The following ABCC5 variants were observed in gnomAD, a reference collection of about 807,000 sequenced individuals.
The protein encoded by ABCC5 is ATP binding cassette subfamily C member 5.
In ABCC5, 61 loss-of-function variants were observed where a neutral mutation model predicts 160.9. The ratio of observed to expected loss-of-function variants is 0.38; its 90% CI spans 0.31 to 0.47. The LOEUF (loss-of-function observed/expected upper bound fraction) is 0.47. ABCC5 is among the 20% of genes least tolerant of loss of function. The probability of loss-of-function intolerance (pLI) is 0.99; values close to 1 mark genes in which losing one functional copy is unlikely to be tolerated. For synonymous variants in ABCC5, 666 were observed against 700.6 expected, an observed-to-expected ratio of 0.95 and a Z score of 0.78; for missense variants, 1,308 against 1,813.3, an observed-to-expected ratio of 0.72 and a Z score of 5.06.
rs948159000 is a variant in ABCC5 at position 183,956,119 on chromosome 3, C to T, written c.2483-2849G>A. Among the ~76,000 whole-genome samples the T allele has an allele frequency of 1.5e-5, 2 of 133,668 alleles. 1 individual carries two copies. Among genetic ancestry groups the T allele is most frequent in the Non-Finnish European group, 3.3e-5 (2 of 61,058 alleles). The allele number at this position is 133,668 out of a possible 152,430, so 87.7% of individuals were successfully genotyped here. A position where few individuals can be genotyped will look rare whatever the true frequency, so the allele number is the denominator to read the frequency against. On this transcript the variant is annotated intron_variant, in intron 17 of 29. Coordinates refer to ENST00000334444, the MANE Select transcript of ABCC5 (RefSeq NM_005688.4). ...ATATCACATCTGTTACATGCAGCTC[C>T]GTGTGTATATCACATCGGTTACATG...
chr3:183,951,542 T>C lies in ABCC5; in HGVS notation c.2843A>G (p.His948Arg), dbSNP rs947584224. Residue 948 changes from histidine to arginine, a missense_variant, in exon 20 of 30, where the codon CAT becomes CGT. His to Arg is a conservative substitution (Grantham distance 29, BLOSUM62 0). Around this residue, in one of 3 missense-constraint regions of ABCC5, gnomAD observed 1,142 missense variants for 1,527.1 expected, o/e 0.75. Coordinates refer to ENST00000334444, the MANE Select transcript of ABCC5 (RefSeq NM_005688.4). This position sits in a 1 kb window ranked among gnomAD's most constrained non-coding sequence, Gnocchi z 4.7. ...AAGGATCCTTCGGAAAAGCTCGTCATGCAGCCGGGAGGAAGCTCGCAGCGT... is the reference window on the plus strand; with the variant it reads ...AAGGATCCTTCGGAAAAGCTCGTCACGCAGCCGGGAGGAAGCTCGCAGCGT... ...KGTLRASSRL[H>R]DELFRRILRS... The C allele has an allele frequency of 1.9e-6, 3 of 1,614,086 alleles. No individual in the cohort carries two copies. Among genetic ancestry groups the C allele is most frequent in the Non-Finnish European group, 2.5e-6 (3 of 1,180,052 alleles).
In ABCC5 at chr3:183,982,841, G is replaced by GC; in HGVS notation, c.757dup (p.Ala253GlyfsTer8). ...CTTCTTAAATGCCATGGTTAGGATGGCCCCCCGCAAGCGGACACCGGTTCG... is the reference window on the plus strand; with the variant it reads ...CTTCTTAAATGCCATGGTTAGGATGGCCCCCCCGCAAGCGGACACCGGTTCG... On this transcript the variant is annotated frameshift_variant, in exon 6 of 30. Coordinates refer to ENST00000334444, the MANE Select transcript of ABCC5 (RefSeq NM_005688.4). LOFTEE classifies it high-confidence loss of function. The surrounding 1 kb of genome is among the most constrained non-coding windows in gnomAD (Gnocchi z 5.2). The GC allele has an allele frequency of 6.2e-7, 1 of 1,614,120 alleles. No homozygotes were observed. Among genetic ancestry groups the GC allele is most frequent in the Non-Finnish European group, 8.5e-7 (1 of 1,180,020 alleles).
intron 16 of ABCC5, 78 bp downstream of exon 16, chr3:183,961,433 G>T: frequency 6.5e-7 from 1 of 1,536,842 alleles, no homozygotes; most frequent in Non-Finnish European, 8.8e-7. Context: ...TTCAGCTGAG[G>T]TCTCTCCATC....
chr3:183,942,619 C>T (rs1714479405), intron 25 of ABCC5, 108 bp downstream of exon 25: 2 of 1,388,806 alleles, frequency 1.4e-6, no homozygotes, highest in Non-Finnish European at 2.0e-6. Context: ...GGGGCTGAGA[C>T]ACTAATTGCT....
chr3:183,998,744 C>T lies in ABCC5; in HGVS notation c.130-9361G>A, dbSNP rs75549985. On this transcript the variant is annotated intron_variant, in intron 2 of 29. Coordinates refer to ENST00000334444, the MANE Select transcript of ABCC5 (RefSeq NM_005688.4). The stretch of plus-strand genomic sequence containing the variant: ...ACTGTACAAAATGATCCCAGGTGTA[C>T]CTCATAAATGGCTCTTCTCTCTTCC... Among the ~76,000 whole-genome samples, 1,112 of 152,076 alleles carry T rather than the reference C, an allele frequency of 7.3e-3. 1 individual carries two copies. Among genetic ancestry groups the T allele is most frequent in the Non-Finnish European group, 0.013 (869 of 67,982 alleles).
At position 183,971,611 on chromosome 3, in the gene ABCC5, G is replaced by T; in HGVS notation, c.1713C>A (p.His571Gln). Residue 571 changes from histidine (H) to glutamine (Q), a missense_variant, in exon 11 of 30, where the codon CAC becomes CAA. Transcript: ENST00000334444. ...EEEGKHIHLGHLRLQRTLHSI... is the reference protein window; with the variant it reads ...EEEGKHIHLGQLRLQRTLHSI... ...TGTGCAGTGTCCTCTGTAAGCGCAG[G>T]TGGCCCAGGTGGATGTGCTTGCCTT... 1 of 1,614,122 alleles carries T rather than the reference G, an allele frequency of 6.2e-7. No individual in the cohort carries two copies. The highest frequency in any genetic ancestry group is 8.5e-7 in the Non-Finnish European group (1 of 1,180,006).
At chr3:183,946,237 T>C (rs1437127366) in intron 23 of ABCC5, among the ~76,000 whole-genome samples, 1 of 152,228 alleles carries the variant, frequency 6.6e-6, no homozygotes, top group South Asian at 2.1e-4. Context: ...ACTTCTGGAC[T>C]TCCTACTTGT....
chr3:183,934,496 T>G (rs1713490921), intron 26 of ABCC5, among the ~76,000 whole-genome samples: 1 of 152,190 alleles, frequency 6.6e-6, no homozygotes, highest in Non-Finnish European at 1.5e-5. Context: ...CTTCCTAAGC[T>G]GCACCTAAGC....
intron 17 of ABCC5, among the ~76,000 whole-genome samples, chr3:183,956,343 C>T (rs1433510777): frequency 4.0e-5 from 6 of 149,834 alleles, no homozygotes; most frequent in African/African-American, 7.4e-5. Flanking sequence ...CATGCAGATC[C>T]GTGTGTATAT....
In ABCC5 at chr3:184,016,789, C is replaced by CT. The variant is rs1178955957; in HGVS notation, c.-56+1040dup. On this transcript the variant is annotated intron_variant, in intron 1 of 29. Coordinates refer to ENST00000334444, the MANE Select transcript of ABCC5 (RefSeq NM_005688.4). The stretch of plus-strand genomic sequence containing the variant: ...GGTTGAGGCCACTTAGTCAGCTGCC[C>CT]TTTTTTACCAAGATTCTCTTTCCAC... Among the ~76,000 whole-genome samples, 5 of 152,194 alleles carry CT rather than the reference C, an allele frequency of 3.3e-5. No individual in the cohort carries two copies. The South Asian group carries it at 8.3e-4, about 25-fold the overall frequency.
chr3:183,966,661 C>G (rs1026294599), intron 12 of ABCC5, among the ~76,000 whole-genome samples: 12 of 152,006 alleles, frequency 7.9e-5, no homozygotes, highest in Non-Finnish European at 1.5e-4. Context: ...CATAAATCAC[C>G]TAGGAAGTCT....
chr3:184,001,618 A>G, intron 2 of ABCC5, among the ~76,000 whole-genome samples: 1 of 152,164 alleles, frequency 6.6e-6, no homozygotes. Flanking sequence ...TGAACATCCT[A>G]CAATGCACAG....
Position 183,987,369 on chromosome 3 carries a change from C to G in ABCC5, c.591+401G>C. On this transcript the variant is annotated intron_variant, in intron 5 of 29. Coordinates refer to ENST00000334444, the MANE Select transcript of ABCC5 (RefSeq NM_005688.4). This position sits in a 1 kb window ranked among gnomAD's most constrained non-coding sequence, Gnocchi z 4.2. ...CACAGACCTGCCAAACATGTGATAA[C>G]TGCCTCCAGGCACTTGGTATGTTCC... 1 of 417,952 alleles carries G rather than the reference C, an allele frequency of 2.4e-6. No individual in the cohort carries two copies. Among genetic ancestry groups the G allele is most frequent in the Non-Finnish European group, 4.3e-6 (1 of 233,064 alleles). 25.9% of individuals were successfully genotyped at this position (417,952 alleles called of 1,614,324 possible). A position where few individuals can be genotyped will look rare whatever the true frequency, so the allele number is the denominator to read the frequency against.
At chr3:184,005,215 A>C (rs1490621798) in intron 2 of ABCC5, among the ~76,000 whole-genome samples, 2 of 152,078 alleles carry the variant, frequency 1.3e-5, no homozygotes. Flanking sequence ...GGTGAGGCTA[A>C]ATGGGGACTG....
chr3:184,012,407 C>T (rs1160956528), intron 2 of ABCC5, among the ~76,000 whole-genome samples: 1 of 152,132 alleles, frequency 6.6e-6, no homozygotes, highest in Non-Finnish European at 1.5e-5. Flanking sequence ...TGGCCATGTG[C>T]CAGGTACCAT....
chr3:184,016,489 G>A lies in ABCC5; in HGVS notation c.-56+1341C>T, dbSNP rs1372843874. On this transcript the variant is annotated intron_variant, in intron 1 of 29. Coordinates refer to ENST00000334444, the MANE Select transcript of ABCC5 (RefSeq NM_005688.4). ...AGAGCTGGGAATCCTGACAGGTTTG[G>A]AAAGAAACAAAGCCCCAGTCTGAAG... is the stretch of plus-strand genomic sequence containing the variant. 2.6e-5 allele frequency among the ~76,000 whole-genome samples: 4 copies of A among 152,312 alleles called. No homozygotes were observed. In the East Asian group the frequency reaches 7.7e-4, roughly 29 times the overall value.
intron 2 of ABCC5, chr3:184,006,559 T>A (rs191299154): frequency 9.4e-4 from 143 of 152,286 alleles, no homozygotes; most frequent in African/African-American, 3.2e-3. Context: ...AAAAGTACAA[T>A]GTACTAGACA....
At chr3:183,971,346 A>T (rs1375515040) in intron 11 of ABCC5, among the ~76,000 whole-genome samples, 1 of 152,208 alleles carries the variant, frequency 6.6e-6, no homozygotes, top group Non-Finnish European at 1.5e-5. Context: ...CCTTGCTTAT[A>T]AAATGATCAC....
At chr3:183,999,934 A>G (rs1004638516) in intron 2 of ABCC5, among the ~76,000 whole-genome samples, 1 of 152,184 alleles carries the variant, frequency 6.6e-6, no homozygotes, top group Non-Finnish European at 1.5e-5. Context: ...TAGTCCAGCT[A>G]TGATGGGGGA....
Sources: allele counts gnomAD v4.1 joint callset (sites outside exome capture counted in the v4.1 genomes callset), GRCh38; gene constraint gnomAD v4.1.1; regional missense constraint gnomAD v4.1.1; non-coding constraint Gnocchi (gnomAD v3.1); transcripts MANE v1.5; gene names NCBI Gene and HGNC (gene_info 2026-07-23, HGNC 2026-07-21).